CPLANE1: variants seen among roughly 807,000 people sequenced by gnomAD.
The protein encoded by CPLANE1 is ciliogenesis and planar polarity effector 1.
CPLANE1 carries 263 observed loss-of-function variants against 362.5 expected under a neutral mutation model. The observed-to-expected ratio is 0.73, with a 90% CI of 0.66 to 0.80. The LOEUF (loss-of-function observed/expected upper bound fraction) is 0.80. Ranked by LOEUF, CPLANE1 falls within the 30% of genes least tolerant of loss-of-function variation. The pLI is 0.00. For synonymous variants in CPLANE1, 1,212 were observed against 1,302.6 expected, an observed-to-expected ratio of 0.93 and a Z score of 1.50; for missense variants, 3,461 against 3,793.4, an observed-to-expected ratio of 0.91 and a Z score of 2.30.
At chr5:37,207,446 A>AAT (rs1791086250) in intron 16 of CPLANE1, among the ~76,000 whole-genome samples, 1 of 152,258 alleles carries the variant, frequency 6.6e-6, no homozygotes, top group Non-Finnish European at 1.5e-5. Context: ...CGAGCAAGGT[A>AAT]ATATACCATT....
rs1335532770 is a variant in CPLANE1 at position 37,226,289 on chromosome 5, A to C, written c.2291+15T>G. 1.4e-6 allele frequency: 2 copies of C among 1,451,760 alleles called. No individual in the cohort carries two copies. The highest frequency in any genetic ancestry group is 1.5e-5 in the South Asian group (1 of 65,056). 89.9% of individuals were successfully genotyped at this position (1,451,760 alleles called of 1,614,324 possible). On this transcript the variant is annotated intron_variant, in intron 12 of 52. Transcript: ENST00000651892. ...TAAGCTAATAGTATCCCAGTATTAA[A>C]ATAAGTGATTATACCTGTGTCCTGG... is the stretch of plus-strand genomic sequence containing the variant.
chr5:37,097,479 C>A, the CPLANE1 span, among the ~76,000 whole-genome samples: 1 of 152,120 alleles, frequency 6.6e-6, no homozygotes, highest in African/African-American at 2.4e-5. Context: ...TGAAAACTTT[C>A]CAAGTATAGC....
intron 42 of CPLANE1, among the ~76,000 whole-genome samples, chr5:37,150,248 T>A (rs1357477530): frequency 6.6e-6 from 1 of 152,198 alleles, no homozygotes; most frequent in African/African-American, 2.4e-5. Context: ...GACTTCAGAC[T>A]GTTCTCAAGT....
At chr5:37,217,246 C>T (rs1037813936) in intron 15 of CPLANE1, among the ~76,000 whole-genome samples, 7 of 152,084 alleles carry the variant, frequency 4.6e-5, no homozygotes, top group African/African-American at 1.7e-4. Flanking sequence ...TAGGGAGTGA[C>T]CTGATGATAA....
In CPLANE1 at chr5:37,198,868, T is replaced by G; in HGVS notation, c.3508-2A>C. The G allele has an allele frequency of 1.2e-6, 2 of 1,613,026 alleles. No individual in the cohort carries two copies. The highest frequency in any genetic ancestry group is 8.5e-7 in the Non-Finnish European group (1 of 1,179,484). On this transcript the variant is annotated splice_acceptor_variant, in intron 19 of 52. Coordinates refer to ENST00000651892, the MANE Select transcript of CPLANE1 (RefSeq NM_001384732.1). LOFTEE classifies it high-confidence loss of function. ...TAAAAGAAGATCATCACCATCTTCC[T>G]GAGGAAAATAAAACAATCCATTTTA...
At chr5:37,103,530 C>T (rs1757398256), downstream of CPLANE1, among the ~76,000 whole-genome samples, 1 of 152,160 alleles carries the variant, frequency 6.6e-6, no homozygotes, top group Admixed American at 6.5e-5. Context: ...ACATCAGGTA[C>T]TTCCTTCAGG....
chr5:37,235,567 CTTTTTTTT>C (rs546612161), intron 8 of CPLANE1, among the ~76,000 whole-genome samples: 239 of 93,368 alleles, frequency 2.6e-3, no homozygotes, highest in African/African-American at 0.01. Context: ...TATCTAATTT[CTTTTTTTT>C]TTTTTTTTTT....
intron 2 of CPLANE1, chr5:37,246,140 C>A: frequency 4.5e-5 from 7 of 156,154 alleles, no homozygotes; most frequent in East Asian, 1.6e-4. Flanking sequence ...ACTGGCTTAT[C>A]TACTTTTTAA....
intron 18 of CPLANE1, among the ~76,000 whole-genome samples, chr5:37,203,524 A>AT (rs1224708894): frequency 6.6e-6 from 1 of 152,074 alleles, no homozygotes; most frequent in Non-Finnish European, 1.5e-5. Context: ...GTTTTGTTTC[A>AT]TTTTTTGAGA....
the CPLANE1 span, among the ~76,000 whole-genome samples, chr5:37,099,730 C>T: frequency 6.6e-6 from 1 of 152,214 alleles, no homozygotes; most frequent in Non-Finnish European, 1.5e-5. Context: ...CTGTCTTCCA[C>T]AATGGCTGAA....
At chr5:37,157,288 C>T in intron 41 of CPLANE1, 25 bp downstream of exon 41, 1 of 1,278,636 alleles carries the variant, frequency 7.8e-7, no homozygotes, top group Non-Finnish European at 1.0e-6. Context: ...AGGAGAGGGT[C>T]ATGCTATACC....
At chr5:37,249,057 A>G (rs1298702224) in intron 1 of CPLANE1, among the ~76,000 whole-genome samples, 188 bp downstream of exon 1, 1 of 152,156 alleles carries the variant, frequency 6.6e-6, no homozygotes, top group Non-Finnish European at 1.5e-5. Context: ...GTAGGCCCAG[A>G]GCGAGGACGG....
At position 37,140,036 on chromosome 5, in the gene CPLANE1, C is replaced by A. The variant is rs1427580035; in HGVS notation, c.8633-666G>T. On this transcript the variant is annotated intron_variant, in intron 44 of 52. Coordinates refer to ENST00000651892, the MANE Select transcript of CPLANE1 (RefSeq NM_001384732.1). ...ATTTTAGAAAATATCTTATTTAAAT[C>A]CGAGAAGCAATTTACCTGTAAGAAT... 3 of 943,176 alleles carry A rather than the reference C, an allele frequency of 3.2e-6. No homozygotes were observed. The African/African-American group carries it at 5.3e-5, about 17-fold the overall frequency. The allele number at this position is 943,176 out of a possible 1,614,324, so 58.4% of individuals were successfully genotyped here. A position where few individuals can be genotyped will look rare whatever the true frequency, so the allele number is the denominator to read the frequency against.
chr5:37,149,391 G>A (rs2150542100), intron 42 of CPLANE1, among the ~76,000 whole-genome samples: 1 of 152,262 alleles, frequency 6.6e-6, no homozygotes, highest in South Asian at 2.1e-4. Flanking sequence ...CAATGTAAAT[G>A]TTAACTATTA....
intron 46 of CPLANE1, among the ~76,000 whole-genome samples, chr5:37,136,226 G>A (rs186827717): frequency 5.3e-4 from 81 of 152,230 alleles, no homozygotes; most frequent in African/African-American, 1.8e-3. Flanking sequence ...AAAAATACCC[G>A]GTCCAAATAG....
chr5:37,162,459 A>G lies in CPLANE1; in HGVS notation c.7690+6T>C, dbSNP rs1211214880. 1 of 1,570,220 alleles carries G rather than the reference A, an allele frequency of 6.4e-7. No homozygotes were observed. Among genetic ancestry groups the G allele is most frequent in the East Asian group, 2.2e-5 (1 of 44,678 alleles). ...GAATTTTTTTAAAAAGTAAAACAGCATTTACCTGGGTCTGTATTTGTACTT... is the reference window on the plus strand; with the variant it reads ...GAATTTTTTTAAAAAGTAAAACAGCGTTTACCTGGGTCTGTATTTGTACTT... On this transcript the variant is annotated splice_donor_region_variant and intron_variant, in intron 38 of 52. Transcript: ENST00000651892.
At position 37,177,654 on chromosome 5, in the gene CPLANE1, G is replaced by T. The variant is rs1323231145; in HGVS notation, c.5867C>A (p.Thr1956Lys). 3.1e-6 allele frequency: 5 copies of T among 1,613,600 alleles called. No individual in the cohort carries two copies. Among genetic ancestry groups the T allele is most frequent in the Non-Finnish European group, 4.2e-6 (5 of 1,179,748 alleles). Reference sequence around the variant, plus strand: ...TTCAGTCGATTTTTCCTCCATAATTGTCTCCAGTGGTTCTTCCCTTTGACA... The same window carrying T: ...TTCAGTCGATTTTTCCTCCATAATTTTCTCCAGTGGTTCTTCCCTTTGACA... ...VQCQREEPLETIMEEKSTEQK... is the reference protein window; with the variant it reads ...VQCQREEPLEKIMEEKSTEQK... Residue 1956 changes from threonine to lysine, a missense_variant, in exon 30 of 53, where the codon ACA becomes AAA. Physicochemically the swap from Thr to Lys is moderately conservative, Grantham distance 78. Around this residue, in one of 2 missense-constraint regions of CPLANE1, gnomAD observed 3,380 missense variants for 3,666.1 expected, o/e 0.92. Transcript: ENST00000651892.
At chr5:37,171,745 A>ACTCTCTCTCTCTCT (rs56407367) in intron 32 of CPLANE1, among the ~76,000 whole-genome samples, 5 of 128,326 alleles carry the variant, frequency 3.9e-5, no homozygotes, top group African/African-American at 8.5e-5. Flanking sequence ...TCTCTAGCTT[A>ACTCTCTCTCTCTCT]CTCTCTCTCT....
Position 37,209,515 on chromosome 5 carries a change from C to T in CPLANE1, c.2921-3090G>A. 3 of 1,277,786 alleles carry T rather than the reference C, an allele frequency of 2.3e-6. No homozygotes were observed. The highest frequency in any genetic ancestry group is 3.4e-6 in the Non-Finnish European group (3 of 874,828). 79.2% of individuals were successfully genotyped at this position (1,277,786 alleles called of 1,614,324 possible). A position where few individuals can be genotyped will look rare whatever the true frequency, so the allele number is the denominator to read the frequency against. Reference sequence around the variant, plus strand: ...CAGCTAATTCATGAGTTAATGCACCCTGTATTGAGTGGAGAACTGCAACCT... The same window carrying T: ...CAGCTAATTCATGAGTTAATGCACCTTGTATTGAGTGGAGAACTGCAACCT... On this transcript the variant is annotated intron_variant, in intron 16 of 52. Transcript: ENST00000651892. The surrounding 1 kb of genome is among the most constrained non-coding windows in gnomAD (Gnocchi z 4.6).
Sources: allele counts gnomAD v4.1 joint callset (sites outside exome capture counted in the v4.1 genomes callset), GRCh38; gene constraint gnomAD v4.1.1; regional missense constraint gnomAD v4.1.1; non-coding constraint Gnocchi (gnomAD v3.1); transcripts MANE v1.5; gene names NCBI Gene and HGNC (gene_info 2026-07-23, HGNC 2026-07-21).